ERC2: variants seen among roughly 807,000 people sequenced by gnomAD.
ERC2 encodes the protein ERC protein 2.
In ERC2, 42 loss-of-function variants were observed where a neutral mutation model predicts 114.8. The ratio of observed to expected loss-of-function variants is 0.37; its 90% CI spans 0.29 to 0.47. ERC2 has a LOEUF of 0.47. ERC2 is among the 20% of genes least tolerant of loss of function. ERC2 has a pLI of 0.99. For synonymous variants in ERC2, 454 were observed against 425.5 expected, an observed-to-expected ratio of 1.07 and a Z score of -0.82; for missense variants, 939 against 1,150.7, an observed-to-expected ratio of 0.82 and a Z score of 2.66.
intron 15 of ERC2, among the ~76,000 whole-genome samples, chr3:55,714,681 A>G (rs1294690460): frequency 0.061 from 483 of 7,912 alleles, 1 homozygote; most frequent in African/African-American, 0.11. Context: ...ATATATATAT[A>G]TATATATATA....
chr3:56,440,334 G>A (rs1336603998), intron 1 of ERC2, among the ~76,000 whole-genome samples: 1 of 152,118 alleles, frequency 6.6e-6, no homozygotes, highest in African/African-American at 2.4e-5. Flanking sequence ...ACGAGGTCAG[G>A]AGATCGAGAC....
intron 6 of ERC2, among the ~76,000 whole-genome samples, chr3:56,101,943 G>A (rs765376531): frequency 2.6e-5 from 4 of 152,142 alleles, no homozygotes; most frequent in Non-Finnish European, 5.9e-5. Context: ...AACCGGTGTT[G>A]GTGTTGGGAG....
At chr3:55,719,803 T>A (rs1395957630) in intron 15 of ERC2, among the ~76,000 whole-genome samples, 3 of 151,924 alleles carry the variant, frequency 2.0e-5, no homozygotes, top group Admixed American at 6.5e-5. Context: ...CCAAACCACA[T>A]CTCAAGAAGC....
At chr3:56,385,571 C>T (rs1298858074) in intron 2 of ERC2, among the ~76,000 whole-genome samples, 1 of 152,116 alleles carries the variant, frequency 6.6e-6, no homozygotes. Flanking sequence ...TTCTTAAATG[C>T]CTTAATGTTC....
chr3:56,302,388 A>T (rs1199224814), intron 2 of ERC2, among the ~76,000 whole-genome samples: 3 of 152,238 alleles, frequency 2.0e-5, no homozygotes, highest in Non-Finnish European at 2.9e-5. Context: ...GGTCCTATCC[A>T]GTAGTTAAAT....
chr3:55,695,439 G>A (rs1428482728), intron 16 of ERC2, among the ~76,000 whole-genome samples: 1 of 152,098 alleles, frequency 6.6e-6, no homozygotes, highest in African/African-American at 2.4e-5. Flanking sequence ...TCAGGTAGGG[G>A]GCTAGATTCT....
rs143073312 is a variant in ERC2 at position 55,627,423 on chromosome 3, G to A, written c.*39+56371C>T. ...AGAGGTTGCAGTGAGCTGAGATCAC[G>A]CCATTGTACCCTAGCCTGGGCGACA... On this transcript the variant is annotated intron_variant, in intron 17 of 17. Coordinates refer to ENST00000288221, the MANE Select transcript of ERC2 (RefSeq NM_015576.3). Among the ~76,000 whole-genome samples, 374 of 152,074 alleles carry A rather than the reference G, an allele frequency of 2.5e-3. 2 individuals are homozygous for A. Among genetic ancestry groups the A allele is most frequent in the African/African-American group, 8.9e-3 (369 of 41,498 alleles).
rs866435185 is a variant in ERC2 at position 56,279,755 on chromosome 3, G to A, written c.1074+16264C>T. 1.1e-4 allele frequency among the ~76,000 whole-genome samples: 17 copies of A among 152,318 alleles called. No individual in the cohort carries two copies. In the South Asian group the frequency reaches 1.2e-3, roughly 11 times the overall value. Reference sequence around the variant, plus strand: ...ATGAAGAATGAACTACAAGAGGTACGAAGCTGGGAGACCAGTTAAGAGGAC... The same window carrying A: ...ATGAAGAATGAACTACAAGAGGTACAAAGCTGGGAGACCAGTTAAGAGGAC... On this transcript the variant is annotated intron_variant, in intron 3 of 17. Coordinates refer to ENST00000288221, the MANE Select transcript of ERC2 (RefSeq NM_015576.3).
At chr3:56,356,909 A>G (rs1219249359) in intron 2 of ERC2, among the ~76,000 whole-genome samples, 1 of 152,210 alleles carries the variant, frequency 6.6e-6, no homozygotes, top group Non-Finnish European at 1.5e-5. Flanking sequence ...GACTCTAAGG[A>G]AAAGCATCTT....
At chr3:55,561,552 C>G (rs1163998010) in intron 17 of ERC2, among the ~76,000 whole-genome samples, 1 of 152,162 alleles carries the variant, frequency 6.6e-6, no homozygotes, top group Non-Finnish European at 1.5e-5. Context: ...TTGTAAGGTC[C>G]TTCTAGAATC....
At chr3:55,560,581 G>A (rs1004689430) in intron 17 of ERC2, among the ~76,000 whole-genome samples, 3 of 152,086 alleles carry the variant, frequency 2.0e-5, no homozygotes, top group Admixed American at 6.6e-5. Flanking sequence ...AGCCATCTTG[G>A]ATGCTCCAAC....
intron 14 of ERC2, among the ~76,000 whole-genome samples, chr3:55,868,892 TA>T (rs1267125439): frequency 6.6e-6 from 1 of 152,190 alleles, no homozygotes; most frequent in Non-Finnish European, 1.5e-5. Context: ...TTAGTTGTAT[TA>T]AAAAGCTTAA....
intron 3 of ERC2, among the ~76,000 whole-genome samples, chr3:56,196,563 A>C (rs928961536): frequency 1.3e-5 from 2 of 151,142 alleles, no homozygotes; most frequent in African/African-American, 4.9e-5. Flanking sequence ...AGAAGATATA[A>C]GGGAAACTGA....
chr3:56,297,715 T>A (rs11130508), intron 2 of ERC2, among the ~76,000 whole-genome samples: 38,981 of 152,110 alleles, frequency 0.26, 5,829 homozygotes, highest in Non-Finnish European at 0.33. Flanking sequence ...AAGAGGGACA[T>A]AAGACATAGC....
intron 7 of ERC2, among the ~76,000 whole-genome samples, chr3:56,075,862 C>T (rs887071573): frequency 6.6e-6 from 1 of 152,200 alleles, no homozygotes; most frequent in Non-Finnish European, 1.5e-5. Context: ...CACTTTACTT[C>T]AATTTTACAC....
rs138315060 is a variant in ERC2, at chr3:55,830,577, G to C, written c.2564+57812C>G. Among the ~76,000 whole-genome samples, 444 of 152,260 alleles carry C rather than the reference G, an allele frequency of 2.9e-3. 4 individuals are homozygous for C. Among genetic ancestry groups the C allele is most frequent in the African/African-American group, 0.01 (422 of 41,564 alleles). The stretch of plus-strand genomic sequence containing the variant: ...TGTGAGGTTTCTCAATTTACTTGAA[G>C]TAGTAAAATATTAACTCTAAGTAGA... On this transcript the variant is annotated intron_variant, in intron 14 of 17. Coordinates refer to ENST00000288221, the MANE Select transcript of ERC2 (RefSeq NM_015576.3).
At chr3:55,819,896 G>A (rs2060053092) in intron 14 of ERC2, among the ~76,000 whole-genome samples, 1 of 152,184 alleles carries the variant, frequency 6.6e-6, no homozygotes, top group Non-Finnish European at 1.5e-5. Context: ...TACAATTTGG[G>A]CATCTGAAGT....
chr3:56,207,470 C>T (rs1417737261), intron 3 of ERC2, among the ~76,000 whole-genome samples: 1 of 151,934 alleles, frequency 6.6e-6, no homozygotes, highest in African/African-American at 2.4e-5. Flanking sequence ...ATATATAAAG[C>T]TTAGTTCTGC....
intron 7 of ERC2, among the ~76,000 whole-genome samples, chr3:56,055,404 CT>C (rs1279126507): frequency 2.0e-5 from 3 of 152,076 alleles, no homozygotes; most frequent in Non-Finnish European, 1.5e-5. Flanking sequence ...AGTGATATCA[CT>C]TTTTTTTCAG....
Sources: allele counts gnomAD v4.1 joint callset (sites outside exome capture counted in the v4.1 genomes callset), GRCh38; gene constraint gnomAD v4.1.1; transcripts MANE v1.5; gene names NCBI Gene and HGNC (gene_info 2026-07-23, HGNC 2026-07-21).